The following PRDM16 variants were observed in gnomAD, a reference collection of about 807,000 sequenced individuals.
PRDM16 encodes the protein PR/SET domain 16.
In PRDM16, 23 loss-of-function variants were observed where a neutral mutation model predicts 110.6. That is an observed-to-expected ratio of 0.21 (90% confidence interval 0.15 to 0.29). The LOEUF (loss-of-function observed/expected upper bound fraction) is 0.29. PRDM16 is among the 10% of genes least tolerant of loss of function. The pLI, the probability that PRDM16 is intolerant of heterozygous loss-of-function variation, is 1.00. For missense variants in PRDM16, 1,615 were observed against 1,794.3 expected, an observed-to-expected ratio of 0.90 and a Z score of 1.81; for synonymous variants, 799 against 781.8, an observed-to-expected ratio of 1.02 and a Z score of -0.37.
intron 1 of PRDM16, among the ~76,000 whole-genome samples, chr1:3,118,930 G>A (rs915544785): frequency 5.3e-5 from 8 of 152,220 alleles, no homozygotes; most frequent in Non-Finnish European, 8.8e-5. Context: ...CCCCCTGCCC[G>A]ACCTTCTAAG....
rs1245003162 is a variant in PRDM16 at position 3,327,453 on chromosome 1, C to T, written c.439-57699C>T. Among the ~76,000 whole-genome samples, 5 of 152,214 alleles carry T rather than the reference C, an allele frequency of 3.3e-5. No individual in the cohort carries two copies. The South Asian group carries it at 8.3e-4, about 25-fold the overall frequency. On this transcript the variant is annotated intron_variant, in intron 3 of 16. Coordinates refer to ENST00000270722, the MANE Select transcript of PRDM16 (RefSeq NM_022114.4). ...CTGCCCTCCCAGGCCCACCCAGAGG[C>T]GTTGTCTTTCAACGCTCATCCCACG...
chr1:3,108,953 A>G (rs939169255), intron 1 of PRDM16, among the ~76,000 whole-genome samples: 3 of 151,786 alleles, frequency 2.0e-5, no homozygotes, highest in Non-Finnish European at 4.4e-5. Context: ...GTAGTGGTGG[A>G]CACTTATAAT....
At chr1:3,266,526 TC>T (rs1307064763) in intron 3 of PRDM16, among the ~76,000 whole-genome samples, 1 of 152,168 alleles carries the variant, frequency 6.6e-6, no homozygotes, top group Admixed American at 6.5e-5. Context: ...GCATTGCTGC[TC>T]CGCTCCTCCG....
chr1:3,277,662 C>T (rs1374620444), intron 3 of PRDM16, among the ~76,000 whole-genome samples: 1 of 152,244 alleles, frequency 6.6e-6, no homozygotes, highest in Non-Finnish European at 1.5e-5. Context: ...GCATTGACCC[C>T]AGATGAATCC....
chr1:3,242,714 C>T (rs1436647339), intron 2 of PRDM16, among the ~76,000 whole-genome samples: 1 of 152,238 alleles, frequency 6.6e-6, no homozygotes, highest in Admixed American at 6.5e-5. Flanking sequence ...TCAATTGCAC[C>T]TTGGTAGGCA....
At chr1:3,398,874 T>A (rs2100634512) in intron 5 of PRDM16, among the ~76,000 whole-genome samples, 1 of 152,342 alleles carries the variant, frequency 6.6e-6, no homozygotes, top group Middle Eastern at 3.4e-3. Flanking sequence ...AGAAGAGGGC[T>A]TGGCTGGAGA....
At position 3,255,798 on chromosome 1, in the gene PRDM16, G is replaced by A. The variant is rs929302618; in HGVS notation, c.438+11661G>A. ...ATAGTCCTCATCCTCCTTAGGCCTT[G>A]GCTCAGAATGAACCCATTGTCACTT... On this transcript the variant is annotated intron_variant, in intron 3 of 16. Transcript: ENST00000270722. The surrounding 1 kb of genome is among the most constrained non-coding windows in gnomAD (Gnocchi z 4.7). 3.6e-4 allele frequency among the ~76,000 whole-genome samples: 54 copies of A among 149,908 alleles called. No homozygotes were observed. Among genetic ancestry groups the A allele is most frequent in the African/African-American group, 1.3e-3 (53 of 41,310 alleles).
At position 3,156,819 on chromosome 1, in the gene PRDM16, G is replaced by A. The variant is rs1433147134; in HGVS notation, c.38-29306G>A. Among the ~76,000 whole-genome samples the A allele has an allele frequency of 2.0e-5, 3 of 152,316 alleles. No individual in the cohort carries two copies. In the East Asian group the frequency reaches 5.8e-4, roughly 29 times the overall value. ...GGCTTTTGCTTTTAGCTCTTCGAGG[G>A]GGGAAGCAGAGGAAGTGGCTTCTGT... On this transcript the variant is annotated intron_variant, in intron 1 of 16. Coordinates refer to ENST00000270722, the MANE Select transcript of PRDM16 (RefSeq NM_022114.4).
chr1:3,197,085 C>T (rs367595194), intron 2 of PRDM16, among the ~76,000 whole-genome samples: 1 of 152,196 alleles, frequency 6.6e-6, no homozygotes, highest in African/African-American at 2.4e-5. Flanking sequence ...TGACCAGCCA[C>T]GCGCCCCCGG....
chr1:3,376,628 C>T (rs995284532), intron 3 of PRDM16, among the ~76,000 whole-genome samples: 2 of 152,170 alleles, frequency 1.3e-5, no homozygotes, highest in African/African-American at 4.8e-5. Context: ...TCTCTCTCTG[C>T]GAGTTTAGGA....
intron 1 of PRDM16, among the ~76,000 whole-genome samples, chr1:3,180,537 C>A (rs1309319538): frequency 6.6e-6 from 1 of 152,132 alleles, no homozygotes; most frequent in East Asian, 1.9e-4. Context: ...ACCGAGTCCC[C>A]ACAGGGCCCG....
intron 3 of PRDM16, among the ~76,000 whole-genome samples, chr1:3,371,706 G>A (rs1642911636): frequency 6.6e-6 from 1 of 152,256 alleles, no homozygotes; most frequent in South Asian, 2.1e-4. Context: ...TTAGAGGAGA[G>A]TGAGCAGGGC....
chr1:3,405,016 TG>T, intron 7 of PRDM16, 130 bp downstream of exon 7: 1 of 983,758 alleles, frequency 1.0e-6, no homozygotes, highest in South Asian at 1.7e-5. Context: ...AGGAGGCCCC[TG>T]CGGTGGCTCG....
chr1:3,072,717 C>T (rs1243122672), intron 1 of PRDM16, among the ~76,000 whole-genome samples: 1 of 152,228 alleles, frequency 6.6e-6, no homozygotes, highest in Non-Finnish European at 1.5e-5. Context: ...GGCAGCCTTC[C>T]CTCTGAAGGC....
chr1:3,225,573 T>TCAC (rs1639269208), intron 2 of PRDM16, among the ~76,000 whole-genome samples: 8 of 129,804 alleles, frequency 6.2e-5, no homozygotes, highest in Admixed American at 2.3e-4. Context: ...TGTGTGTGTG[T>TCAC]GCGCGCGCGC....
intron 1 of PRDM16, among the ~76,000 whole-genome samples, chr1:3,112,727 G>A (rs141137591): frequency 9.8e-5 from 15 of 152,362 alleles, no homozygotes; most frequent in South Asian, 2.1e-4. Flanking sequence ...GCTGCTCCCC[G>A]GTGAGGGTTT....
At chr1:3,075,402 G>A (rs563934354) in intron 1 of PRDM16, among the ~76,000 whole-genome samples, 2 of 152,298 alleles carry the variant, frequency 1.3e-5, no homozygotes, top group South Asian at 2.1e-4. Flanking sequence ...TCAGTTCCTC[G>A]TCCCCTGGGG....
intron 1 of PRDM16, among the ~76,000 whole-genome samples, chr1:3,179,811 A>G (rs1644129982): frequency 6.6e-6 from 1 of 152,090 alleles, no homozygotes; most frequent in African/African-American, 2.4e-5. Context: ...GATCTCGTAC[A>G]AGCTTTTCTG....
intron 14 of PRDM16, among the ~76,000 whole-genome samples, chr1:3,427,841 G>A (rs543723204): frequency 3.1e-4 from 47 of 152,208 alleles, no homozygotes; most frequent in Middle Eastern, 6.8e-3. Flanking sequence ...AGGCTGTCCC[G>A]GCATTCCCCA....
Sources: gnomAD v4.1 joint callset for allele counts (sites outside exome capture counted in the v4.1 genomes callset) on GRCh38, gnomAD v4.1.1 for gene constraint, Gnocchi (gnomAD v3.1) non-coding constraint, MANE v1.5 for transcripts, NCBI Gene and HGNC (gene_info 2026-07-23, HGNC 2026-07-21) for gene names.